PLEKHA7: variants seen among roughly 807,000 people sequenced by gnomAD.
PLEKHA7 encodes the protein pleckstrin homology domain containing A7.
PLEKHA7 carries 104 observed loss-of-function variants against 170.0 expected under a neutral mutation model. The ratio of observed to expected loss-of-function variants is 0.61; its 90% CI spans 0.52 to 0.72. PLEKHA7 has a LOEUF of 0.72. PLEKHA7 is among the 30% of genes least tolerant of loss of function. PLEKHA7 has a pLI of 0.00. For synonymous variants in PLEKHA7, 648 were observed against 660.8 expected, an observed-to-expected ratio of 0.98 and a Z score of 0.30; for missense variants, 1,615 against 1,671.7, an observed-to-expected ratio of 0.97 and a Z score of 0.59.
intron 4 of PLEKHA7, among the ~76,000 whole-genome samples, chr11:16,864,293 T>C (rs1472832180): frequency 6.6e-6 from 1 of 152,188 alleles, no homozygotes; most frequent in Non-Finnish European, 1.5e-5. Flanking sequence ...ATTAAATATA[T>C]GTAAAGCACT....
chr11:16,816,295 G>A, intron 11 of PLEKHA7, 31 bp from the exon 12 acceptor site: 1 of 1,556,582 alleles, frequency 6.4e-7, no homozygotes, highest in Non-Finnish European at 8.9e-7. Flanking sequence ...AGTCACACTG[G>A]AGCCCAAACC....
intron 8 of PLEKHA7, among the ~76,000 whole-genome samples, chr11:16,847,694 T>C (rs1193803324): frequency 1.3e-5 from 2 of 151,730 alleles, no homozygotes; most frequent in African/African-American, 4.8e-5. Context: ...CAAAAAAAAT[T>C]AGCTGGGCGC....
chr11:16,822,792 T>C (rs539648905), intron 10 of PLEKHA7, among the ~76,000 whole-genome samples: 8 of 152,198 alleles, frequency 5.3e-5, no homozygotes, highest in African/African-American at 1.4e-4. Context: ...GGAAGAGGGA[T>C]AGGGGAAAAT....
chr11:16,928,995 T>A (rs1284603861), intron 3 of PLEKHA7, among the ~76,000 whole-genome samples: 1 of 152,228 alleles, frequency 6.6e-6, no homozygotes, highest in African/African-American at 2.4e-5. Flanking sequence ...ACTTCCTCCT[T>A]TGGAATTTTC....
At chr11:16,940,005 C>A (rs1234099266) in intron 3 of PLEKHA7, among the ~76,000 whole-genome samples, 2 of 152,114 alleles carry the variant, frequency 1.3e-5, no homozygotes, top group Non-Finnish European at 2.9e-5. Flanking sequence ...GAGAATGGTA[C>A]CACATTTGCC....
At chr11:16,788,564 G>A in intron 23 of PLEKHA7, 3 of 156,536 alleles carry the variant, frequency 1.9e-5, no homozygotes, top group Admixed American at 6.4e-5. Flanking sequence ...AGCGCCACCA[G>A]GGGGCAGCAC....
chr11:16,835,042 G>C (rs1851406558), intron 9 of PLEKHA7, among the ~76,000 whole-genome samples: 1 of 152,226 alleles, frequency 6.6e-6, no homozygotes, highest in African/African-American at 2.4e-5. Context: ...GGCTGAGGTA[G>C]GTGGATCACT....
chr11:16,903,397 G>C (rs1431377275), intron 3 of PLEKHA7, among the ~76,000 whole-genome samples: 1 of 152,200 alleles, frequency 6.6e-6, no homozygotes, highest in Non-Finnish European at 1.5e-5. Flanking sequence ...GGTGAATGAG[G>C]ATCCCCTCAT....
chr11:16,946,063 G>C (rs766461921), intron 3 of PLEKHA7, among the ~76,000 whole-genome samples: 2 of 152,230 alleles, frequency 1.3e-5, no homozygotes, highest in Admixed American at 1.3e-4. Context: ...TCCTCACTTA[G>C]TGGGAAGCCA....
At position 16,779,149 on chromosome 11, in the gene PLEKHA7, G is replaced by A. The variant is rs1193198835; in HGVS notation, c.3794-129C>T. 2.2e-5 allele frequency: 15 copies of A among 681,404 alleles called. No homozygotes were observed. In the Admixed American group the frequency reaches 2.2e-4, roughly 10 times the overall value. 42.2% of individuals were successfully genotyped at this position (681,404 alleles called of 1,614,324 possible). A position where few individuals can be genotyped will look rare whatever the true frequency, so the allele number is the denominator to read the frequency against. ...AGCAGGGGGCTCTGGCAATGCGGCC[G>A]CTGCTGGGGGACCCTCAGCTTCCAG... On this transcript the variant is annotated intron_variant, in intron 26 of 26. Coordinates refer to ENST00000531066, the MANE Select transcript of PLEKHA7 (RefSeq NM_001329630.2).
At chr11:16,987,805 A>C (rs950472638) in intron 3 of PLEKHA7, among the ~76,000 whole-genome samples, 1 of 151,640 alleles carries the variant, frequency 6.6e-6, no homozygotes, top group Non-Finnish European at 1.5e-5. Context: ...TGCCTCCTAC[A>C]CTCAACTAGC....
chr11:17,014,068 C>T lies in PLEKHA7; in HGVS notation c.164-22G>A, dbSNP rs772585855. On this transcript the variant is annotated intron_variant, in intron 2 of 26. Transcript: ENST00000531066. Reference sequence around the variant, plus strand: ...AGGTCTGCGGAAACGCCAGAAAAGTCGGGTCAAACTTGGGCCGCCGCTGCG... The same window carrying T: ...AGGTCTGCGGAAACGCCAGAAAAGTTGGGTCAAACTTGGGCCGCCGCTGCG... 48 of 1,576,760 alleles carry T rather than the reference C, an allele frequency of 3.0e-5. No homozygotes were observed. The South Asian group carries it at 4.4e-4, about 14-fold the overall frequency.
intron 3 of PLEKHA7, among the ~76,000 whole-genome samples, chr11:16,977,728 G>A (rs375661794): frequency 6.6e-6 from 1 of 152,178 alleles, no homozygotes; most frequent in East Asian, 1.9e-4. Flanking sequence ...TGCCCAGACT[G>A]TGGCCCAGTA....
chr11:16,781,441 G>T (rs1366454805), intron 26 of PLEKHA7, among the ~76,000 whole-genome samples: 1 of 152,190 alleles, frequency 6.6e-6, no homozygotes, highest in East Asian at 1.9e-4. Flanking sequence ...GGAGGGCATG[G>T]TATGGTGGGG....
intron 3 of PLEKHA7, among the ~76,000 whole-genome samples, chr11:16,897,010 C>G (rs529771086): frequency 1.3e-5 from 2 of 152,240 alleles, no homozygotes; most frequent in Non-Finnish European, 2.9e-5. Flanking sequence ...CATCACAGAG[C>G]CTAGTATACA....
intron 9 of PLEKHA7, among the ~76,000 whole-genome samples, chr11:16,828,552 G>A (rs943431685): frequency 2.6e-5 from 4 of 152,058 alleles, no homozygotes; most frequent in African/African-American, 9.7e-5. Flanking sequence ...CGCTGTTCAC[G>A]TACCAATGTC....
At chr11:16,872,256 C>T (rs1361466274) in intron 3 of PLEKHA7, among the ~76,000 whole-genome samples, 2 of 151,634 alleles carry the variant, frequency 1.3e-5, no homozygotes, top group African/African-American at 2.4e-5. Context: ...GGTGAGCCAC[C>T]GTGCCCCACC....
intron 4 of PLEKHA7, among the ~76,000 whole-genome samples, 169 bp downstream of exon 4, chr11:16,870,930 C>A (rs402973): frequency 6.6e-6 from 1 of 151,914 alleles, no homozygotes; most frequent in Non-Finnish European, 1.5e-5. Context: ...TGAAAGAAGT[C>A]TGAAGGTTGA....
intron 3 of PLEKHA7, among the ~76,000 whole-genome samples, chr11:16,933,101 G>A (rs75530700): frequency 0.017 from 2,602 of 152,284 alleles, 87 homozygotes; most frequent in African/African-American, 0.06. Flanking sequence ...GATTAAGGAC[G>A]ATAAAAACCT....
Sources: gnomAD v4.1 joint callset for allele counts (sites outside exome capture counted in the v4.1 genomes callset) on GRCh38, gnomAD v4.1.1 for gene constraint, MANE v1.5 for transcripts, NCBI Gene and HGNC (gene_info 2026-07-23, HGNC 2026-07-21) for gene names.